Variants in CRIP2 observed in about 807,000 individuals in gnomAD.
CRIP2 encodes the protein cysteine-rich protein 2.
CRIP2 carries 31 observed loss-of-function variants against 31.3 expected under a neutral mutation model. The ratio of observed to expected loss-of-function variants is 0.99; its 90% confidence interval spans 0.74 to 1.34. CRIP2 has a LOEUF of 1.34. CRIP2 is among the 40% of genes most tolerant of loss of function. The pLI, the probability that CRIP2 is intolerant of heterozygous loss-of-function variation, is 0.00. For synonymous variants in CRIP2, 177 were observed against 127.2 expected (o/e 1.39, Z -2.63); for missense variants, 389 against 301.6 (o/e 1.29, Z -2.15).
In CRIP2 at chr14:105,478,561, G is replaced by A; in HGVS notation, c.196+54G>A. On this transcript the variant is annotated intron_variant, in intron 3 of 7. Transcript: ENST00000329146. The surrounding 1 kb of genome is among the most constrained non-coding windows in gnomAD (Gnocchi z 4.9). ...TGGGACCTGCTGGGAGGGGCGTGGC[G>A]CTGGCGCTGGGGAGGGCTGGGGGTC... 1.9e-6 allele frequency: 3 copies of A among 1,569,042 alleles called. No homozygotes were observed. The highest frequency in any genetic ancestry group is 4.7e-5 in the East Asian group (2 of 42,838).
chr14:105,476,564 A>G, intron 1 of CRIP2: 1 of 985,248 alleles, frequency 1.0e-6, no homozygotes, highest in South Asian at 4.7e-5. Context: ...GTGGCCATTG[A>G]CCCACCCAGT....
intron 1 of CRIP2, chr14:105,477,269 G>C (rs984854259): frequency 2.0e-6 from 2 of 985,428 alleles, no homozygotes; most frequent in Non-Finnish European, 2.4e-6. Context: ...CAGTGTGGGG[G>C]TGGGAGGCAG....
rs1567062466 is a variant in CRIP2 at position 105,478,379 on chromosome 14, CGCGG to C, written c.138+25_138+28del. ...CGCCGAGGTGAGCCCCACTGCGCGG[CGCGG>C]GCGGGGGCGGGGGTCGCGACTCCCG... On this transcript the variant is annotated intron_variant, in intron 2 of 7. Coordinates refer to ENST00000329146, the MANE Select transcript of CRIP2 (RefSeq NM_001312.4). The surrounding 1 kb of genome is among the most constrained non-coding windows in gnomAD (Gnocchi z 4.9). 1 of 1,572,608 alleles carries C rather than the reference CGCGG, an allele frequency of 6.4e-7. No individual in the cohort carries two copies. The highest frequency in any genetic ancestry group is 1.4e-5 in the African/African-American group (1 of 73,824).
At chr14:105,476,181 C>A (rs1555435777) in intron 1 of CRIP2, 2 of 985,356 alleles carry the variant, frequency 2.0e-6, no homozygotes, top group African/African-American at 3.5e-5. Flanking sequence ...TGCAGTCCAA[C>A]TGCCCATGAC....
intron 1 of CRIP2, chr14:105,477,055 C>A: frequency 5.5e-6 from 1 of 181,986 alleles, no homozygotes; most frequent in Non-Finnish European, 1.1e-5. Flanking sequence ...GCCACTGGTC[C>A]TCGGCCACCT....
intron 6 of CRIP2, 39 bp downstream of exon 6, chr14:105,479,258 G>T: frequency 2.6e-6 from 4 of 1,566,194 alleles, no homozygotes; most frequent in Non-Finnish European, 2.6e-6. Context: ...CCGGGCAGGG[G>T]CGCGGGGTCG....
At chr14:105,476,688 C>G in intron 1 of CRIP2, 1 of 985,544 alleles carries the variant, frequency 1.0e-6, no homozygotes, top group Non-Finnish European at 1.2e-6. Context: ...CCGAGACTTC[C>G]TTGCTGCTGC....
In CRIP2 at chr14:105,480,147, C is replaced by A. The variant is rs1025038482; in HGVS notation, c.*494C>A. 36 of 171,850 alleles carry A rather than the reference C, an allele frequency of 2.1e-4. No homozygotes were observed. Among genetic ancestry groups the A allele is most frequent in the Admixed American group, 4.1e-4 (7 of 17,246 alleles). 10.6% of individuals were successfully genotyped at this position (171,850 alleles called of 1,614,324 possible). A position where few individuals can be genotyped will look rare whatever the true frequency, so the allele number is the denominator to read the frequency against. On this transcript the variant is annotated 3_prime_UTR_variant, in exon 8 of 8. Transcript: ENST00000329146. Reference sequence around the variant, plus strand: ...TGTTGAGCCTTGTGCTGTCAATAAACGGTTTGAGGATTGCAGGATTGTCTC... The same window carrying A: ...TGTTGAGCCTTGTGCTGTCAATAAAAGGTTTGAGGATTGCAGGATTGTCTC...
intron 1 of CRIP2, chr14:105,476,960 G>C (rs1324528013): frequency 9.4e-5 from 20 of 212,614 alleles, no homozygotes; most frequent in African/African-American, 3.8e-4. Flanking sequence ...CTCTCAGAGT[G>C]GGCTTCGCCC....
intron 1 of CRIP2, chr14:105,476,242 AACAGTCCTGTGG>A (rs2083930533): frequency 1.4e-5 from 14 of 985,418 alleles, no homozygotes; most frequent in Non-Finnish European, 1.6e-5. Context: ...GGTCTCGGCC[AACAGTCCTGTGG>A]ACAGCCCGGA....
At position 105,478,668 on chromosome 14, in the gene CRIP2, G is replaced by C; in HGVS notation, c.197-63G>C. On this transcript the variant is annotated intron_variant, in intron 3 of 7. Transcript: ENST00000329146. This position sits in a 1 kb window ranked among gnomAD's most constrained non-coding sequence, Gnocchi z 4.9. ...CCCAGTCCCCAGCGGGCCGTTTTCT[G>C]AGATGCCCGGTGGCCGCGGCCCCCA... is the stretch of plus-strand genomic sequence containing the variant. 6.9e-7 allele frequency: 1 copy of C among 1,455,592 alleles called. No individual in the cohort carries two copies. The highest frequency in any genetic ancestry group is 9.0e-7 in the Non-Finnish European group (1 of 1,106,136). 90.2% of individuals were successfully genotyped at this position (1,455,592 alleles called of 1,614,324 possible).
At chr14:105,477,325 T>C in intron 1 of CRIP2, 1 of 985,444 alleles carries the variant, frequency 1.0e-6, no homozygotes, top group Non-Finnish European at 1.2e-6. Flanking sequence ...AGATCTTCCA[T>C]GCCAGTGGCA....
intron 1 of CRIP2, chr14:105,476,546 C>A (rs1296527606): frequency 1.0e-6 from 1 of 985,464 alleles, no homozygotes; most frequent in Non-Finnish European, 1.2e-6. Context: ...AACTCGGACC[C>A]GTAATGTGTG....
chr14:105,479,071 A>ACCCCG, intron 5 of CRIP2, 24 bp downstream of exon 5: 2 of 1,519,444 alleles, frequency 1.3e-6, no homozygotes, highest in Admixed American at 1.9e-5. Context: ...CGGGCCCCGG[A>ACCCCG]CCCCCGCCCC....
chr14:105,479,136 A>G lies in CRIP2; in HGVS notation c.418A>G (p.Thr140Ala). 1 of 1,611,548 alleles carries G rather than the reference A, an allele frequency of 6.2e-7. No individual in the cohort carries two copies. The highest frequency in any genetic ancestry group is 8.5e-7 in the Non-Finnish European group (1 of 1,179,430). The part of the protein sequence containing the change: ...SKKVYFAEKV[T>A]SLGKDWHRPC... The stretch of plus-strand genomic sequence containing the variant: ...CTCCCCCTTTCCAGCTGAGAAGGTG[A>G]CGTCTCTGGGCAAGGATTGGCACCG... Residue 140 changes from threonine (T) to alanine (A), a missense_variant, in exon 6 of 8, where the codon ACG becomes GCG. By Grantham distance (58) the Thr-to-Ala change is moderately conservative (BLOSUM62 0). Transcript: ENST00000329146.
At position 105,478,303 on chromosome 14, in the gene CRIP2, G is replaced by C; in HGVS notation, c.81G>C (p.Lys27Asn). The C allele has an allele frequency of 6.4e-7, 1 of 1,574,082 alleles. No individual in the cohort carries two copies. Among genetic ancestry groups the C allele is most frequent in the Non-Finnish European group, 8.6e-7 (1 of 1,162,016 alleles). The change falls in exon 2 of 8, where the codon AAG (lysine) becomes AAC (asparagine). Residue 27 changes from lysine to asparagine, a missense_variant. Physicochemically the swap from Lys to Asn is moderately conservative, Grantham distance 94. Transcript: ENST00000329146. The surrounding 1 kb of genome is among the most constrained non-coding windows in gnomAD (Gnocchi z 4.9). ...KVSSLGKDWH[K>N]FCLKCERCSK... The stretch of plus-strand genomic sequence containing the variant: ...GCTCCCTGGGGAAGGACTGGCACAA[G>C]TTCTGCCTCAAGTGCGAGCGCTGCA...
In CRIP2 at chr14:105,478,203, TGGG is replaced by T; in HGVS notation, c.44-60_44-58del. On this transcript the variant is annotated intron_variant, in intron 1 of 7. Transcript: ENST00000329146. The surrounding 1 kb of genome is among the most constrained non-coding windows in gnomAD (Gnocchi z 4.9). The stretch of plus-strand genomic sequence containing the variant: ...GCGCGTGGGGGTGGTGGCTGCCAGG[TGGG>T]GGCGGAGGGGGTGCGGGGCGCGCCC... The T allele has an allele frequency of 1.5e-6, 2 of 1,310,178 alleles. No individual in the cohort carries two copies. The highest frequency in any genetic ancestry group is 2.0e-6 in the Non-Finnish European group (2 of 993,488). 81.2% of individuals were successfully genotyped at this position (1,310,178 alleles called of 1,614,324 possible).
chr14:105,478,687 GC>G lies in CRIP2; in HGVS notation c.197-39del. The G allele has an allele frequency of 6.9e-7, 1 of 1,447,564 alleles. No homozygotes were observed. Among genetic ancestry groups the G allele is most frequent in the Non-Finnish European group, 9.1e-7 (1 of 1,102,542 alleles). The allele number at this position is 1,447,564 out of a possible 1,614,324, so 89.7% of individuals were successfully genotyped here. ...TTTTCTGAGATGCCCGGTGGCCGCG[GC>G]CCCCACCCCACGTACCCCCGCCCCA... is the stretch of plus-strand genomic sequence containing the variant. On this transcript the variant is annotated intron_variant, in intron 3 of 7. Transcript: ENST00000329146. This position sits in a 1 kb window ranked among gnomAD's most constrained non-coding sequence, Gnocchi z 4.9.
upstream of CRIP2, chr14:105,473,344 T>G (rs2083873891): frequency 6.5e-7 from 1 of 1,532,120 alleles, no homozygotes; most frequent in Non-Finnish European, 8.7e-7. Flanking sequence ...GCGGGGGGCA[T>G]GTTTCTGGCC....
Sources: allele counts gnomAD v4.1 joint callset, GRCh38; gene constraint gnomAD v4.1.1; non-coding constraint Gnocchi (gnomAD v3.1); transcripts MANE v1.5; gene names NCBI Gene and HGNC (gene_info 2026-07-23, HGNC 2026-07-21).